The following WWP2 variants were observed in gnomAD, a reference collection of about 807,000 sequenced individuals.
WWP2 encodes NEDD4-like E3 ubiquitin-protein ligase WWP2.
A neutral mutation model predicts 121.0 loss-of-function variants in WWP2; 57 were observed. The ratio of observed to expected loss-of-function variants is 0.47; its 90% CI spans 0.38 to 0.59. The LOEUF is 0.59. Among genes scored for constraint, WWP2 ranks in the 20% least tolerant of loss-of-function variants. WWP2 has a pLI of 0.00. For missense variants in WWP2, 962 were observed against 1,158.9 expected, an observed-to-expected ratio of 0.83 and a Z score of 2.47; for synonymous variants, 449 against 441.3, an observed-to-expected ratio of 1.02 and a Z score of -0.22.
chr16:69,813,377 G>A (rs1363058686), intron 4 of WWP2, among the ~76,000 whole-genome samples: 1 of 152,162 alleles, frequency 6.6e-6, no homozygotes, highest in African/African-American at 2.4e-5. Context: ...GGTCAGGCTG[G>A]TCTCAAACTC....
At chr16:69,872,840 C>T (rs2057666158) in intron 7 of WWP2, among the ~76,000 whole-genome samples, 1 of 152,220 alleles carries the variant, frequency 6.6e-6, no homozygotes. Context: ...ACGGGAAGGA[C>T]CTATTTCAAA....
rs906219303 is a variant in WWP2, at chr16:69,799,474, T to G, written c.340+179T>G. The G allele has an allele frequency of 6.5e-5, 50 of 768,310 alleles. No individual in the cohort carries two copies. In the African/African-American group the frequency reaches 7.4e-4, roughly 11 times the overall value. 47.6% of individuals were successfully genotyped at this position (768,310 alleles called of 1,614,324 possible). ...GCTCCTCTCTGCCTCCACTACAGAG[T>G]TTAGCCCTCTTTGTCCAGGGCCTCT... On this transcript the variant is annotated intron_variant, in intron 4 of 23. Transcript: ENST00000359154. The surrounding 1 kb of genome is among the most constrained non-coding windows in gnomAD (Gnocchi z 4.5).
intron 9 of WWP2, among the ~76,000 whole-genome samples, chr16:69,916,199 T>G (rs1359419854): frequency 6.6e-6 from 1 of 152,002 alleles, no homozygotes; most frequent in Non-Finnish European, 1.5e-5. Flanking sequence ...TTGTTGTTGT[T>G]GTTGTTGTTG....
At chr16:69,833,800 A>T (rs764076465) in intron 4 of WWP2, among the ~76,000 whole-genome samples, 1 of 152,132 alleles carries the variant, frequency 6.6e-6, no homozygotes, top group African/African-American at 2.4e-5. Context: ...GCCATGCTCT[A>T]AATTGGCACT....
intron 19 of WWP2, chr16:69,936,757 A>C: frequency 2.0e-6 from 1 of 498,040 alleles, no homozygotes; most frequent in Non-Finnish European, 3.6e-6. Flanking sequence ...GGCCGAAAGG[A>C]TCTCTGTGGC....
chr16:69,827,717 C>T (rs908707599), intron 4 of WWP2, among the ~76,000 whole-genome samples: 2 of 152,190 alleles, frequency 1.3e-5, no homozygotes, highest in Admixed American at 6.5e-5. Flanking sequence ...CCTGAGGGCA[C>T]AGAGCATGGG....
chr16:69,843,166 G>A (rs1055283817), intron 6 of WWP2, among the ~76,000 whole-genome samples: 1 of 152,116 alleles, frequency 6.6e-6, no homozygotes, highest in Non-Finnish European at 1.5e-5. Flanking sequence ...AATGCTTAGA[G>A]CAATGGTTCT....
chr16:69,925,255 C>A lies in WWP2; in HGVS notation c.1180-175C>A. ...TTTGGTTTTTCTGTAAAAATCAAAA[C>A]AAAAAACAGAGACTTTTGAGAGGAG... is the stretch of plus-strand genomic sequence containing the variant. On this transcript the variant is annotated intron_variant, in intron 10 of 23. Transcript: ENST00000359154. The surrounding 1 kb of genome is among the most constrained non-coding windows in gnomAD (Gnocchi z 4.0). The A allele has an allele frequency of 4.9e-6, 7 of 1,435,790 alleles. No homozygotes were observed. The highest frequency in any genetic ancestry group is 6.4e-6 in the Non-Finnish European group (7 of 1,093,516). 88.9% of individuals were successfully genotyped at this position (1,435,790 alleles called of 1,614,324 possible).
At chr16:69,853,107 C>G (rs9922223) in intron 6 of WWP2, among the ~76,000 whole-genome samples, 1 of 152,046 alleles carries the variant, frequency 6.6e-6, no homozygotes, top group African/African-American at 2.4e-5. Context: ...GCTATTTCTG[C>G]GGTAAATTAT....
intron 6 of WWP2, among the ~76,000 whole-genome samples, chr16:69,865,091 G>A (rs919388089): frequency 3.3e-5 from 5 of 151,512 alleles, no homozygotes; most frequent in Admixed American, 2.6e-4. Flanking sequence ...GCTCTGTCGT[G>A]TAGGCTGGAG....
At chr16:69,766,542 ACCT>A (rs1430166469) in intron 1 of WWP2, among the ~76,000 whole-genome samples, 3 of 150,942 alleles carry the variant, frequency 2.0e-5, no homozygotes, top group African/African-American at 7.3e-5. Context: ...CACCACCCTG[ACCT>A]CCTCTCTCCA....
intron 6 of WWP2, among the ~76,000 whole-genome samples, chr16:69,844,866 A>G (rs528982583): frequency 6.6e-6 from 1 of 152,302 alleles, no homozygotes; most frequent in East Asian, 1.9e-4. Context: ...CTGCACTCAC[A>G]TGGAACCTGT....
intron 6 of WWP2, among the ~76,000 whole-genome samples, chr16:69,845,338 C>T (rs796523418): frequency 3.9e-5 from 6 of 152,112 alleles, no homozygotes; most frequent in African/African-American, 1.2e-4. Context: ...ATTACCGGTG[C>T]GTTTACATCA....
chr16:69,931,485 GTTCTT>G lies in WWP2; in HGVS notation c.1522-16_1522-12del. 2 of 1,611,730 alleles carry G rather than the reference GTTCTT, an allele frequency of 1.2e-6. No individual in the cohort carries two copies. Among genetic ancestry groups the G allele is most frequent in the Non-Finnish European group, 8.5e-7 (1 of 1,178,564 alleles). ...ATGACCACTTGAGGCTCGATTTAAAGTTCTTTTCTTTTTTTTTTTTCAGTCAAATG... is the reference window on the plus strand; with the variant it reads ...ATGACCACTTGAGGCTCGATTTAAAGTTCTTTTTTTTTTTTCAGTCAAATG... On this transcript the variant is annotated intron_variant, in intron 14 of 23. Transcript: ENST00000359154.
At chr16:69,765,072 C>T (rs957489900) in intron 1 of WWP2, among the ~76,000 whole-genome samples, 5 of 152,004 alleles carry the variant, frequency 3.3e-5, no homozygotes, top group South Asian at 2.1e-4. Flanking sequence ...GGTGCAGTGG[C>T]GCCCGCCTGG....
chr16:69,815,302 C>G (rs1723461342), intron 4 of WWP2, among the ~76,000 whole-genome samples: 1 of 152,080 alleles, frequency 6.6e-6, no homozygotes, highest in Non-Finnish European at 1.5e-5. Flanking sequence ...CTCACCCGGC[C>G]TAATTTTTAT....
intron 6 of WWP2, among the ~76,000 whole-genome samples, chr16:69,852,264 T>A (rs1161116088): frequency 1.3e-5 from 2 of 151,552 alleles, no homozygotes; most frequent in African/African-American, 4.9e-5. Flanking sequence ...TCCTGGATGA[T>A]ATATGATGTG....
chr16:69,902,378 G>C (rs2058218846), intron 8 of WWP2, among the ~76,000 whole-genome samples: 1 of 152,202 alleles, frequency 6.6e-6, no homozygotes. Flanking sequence ...AGGTAATTTA[G>C]GGAAAGGAAA....
intron 8 of WWP2, among the ~76,000 whole-genome samples, chr16:69,903,742 T>TG (rs1477155694): frequency 1.4e-5 from 2 of 146,434 alleles, no homozygotes; most frequent in Non-Finnish European, 3.0e-5. Context: ...CCCTCCAGCC[T>TG]GGCGACAGAG....
Sources: gnomAD v4.1 joint callset for allele counts (sites outside exome capture counted in the v4.1 genomes callset) on GRCh38, gnomAD v4.1.1 for gene constraint, Gnocchi (gnomAD v3.1) non-coding constraint, MANE v1.5 for transcripts, NCBI Gene and HGNC (gene_info 2026-07-23, HGNC 2026-07-21) for gene names.